UBE2E2: variants seen among roughly 807,000 people sequenced by gnomAD.
UBE2E2 encodes the protein ubiquitin-conjugating enzyme E2 E2.
In UBE2E2, 6 loss-of-function variants were observed where a neutral mutation model predicts 24.7. The ratio of observed to expected loss-of-function variants is 0.24; its 90% CI spans 0.13 to 0.48. The LOEUF (loss-of-function observed/expected upper bound fraction) is 0.48, where lower values mean the gene tolerates loss of function less well. Ranked by LOEUF, UBE2E2 falls within the 20% of genes least tolerant of loss-of-function variation. The pLI, the probability that UBE2E2 is intolerant of heterozygous loss-of-function variation, is 0.99. For missense variants in UBE2E2, 169 were observed against 245.0 expected (o/e 0.69, Z 2.07); for synonymous variants, 104 against 83.6 (o/e 1.24, Z -1.33).
intron 3 of UBE2E2, among the ~76,000 whole-genome samples, chr3:23,391,711 A>C (rs1696939455): frequency 6.6e-6 from 1 of 152,194 alleles, no homozygotes; most frequent in Admixed American, 6.5e-5. Flanking sequence ...TTGAAGAGCC[A>C]GTAGCAGTGA....
intron 3 of UBE2E2, among the ~76,000 whole-genome samples, chr3:23,272,603 T>C (rs1199464476): frequency 6.6e-6 from 1 of 152,154 alleles, no homozygotes; most frequent in Non-Finnish European, 1.5e-5. Context: ...AGTTTTGCAA[T>C]GGGAGTATGG....
chr3:23,241,381 A>T (rs762986829), intron 3 of UBE2E2, among the ~76,000 whole-genome samples: 1 of 152,186 alleles, frequency 6.6e-6, no homozygotes, highest in Non-Finnish European at 1.5e-5. Flanking sequence ...AGCCAGAATG[A>T]TCTTTTAAAC....
intron 3 of UBE2E2, among the ~76,000 whole-genome samples, chr3:23,284,656 G>T (rs1421617464): frequency 6.6e-6 from 1 of 152,000 alleles, no homozygotes; most frequent in Non-Finnish European, 1.5e-5. Flanking sequence ...GTCTTTTAAA[G>T]AAGATTCTCA....
At chr3:23,501,616 C>T (rs1215192485) in intron 4 of UBE2E2, among the ~76,000 whole-genome samples, 1 of 152,174 alleles carries the variant, frequency 6.6e-6, no homozygotes, top group Non-Finnish European at 1.5e-5. Flanking sequence ...TATCTGTCCT[C>T]ACATGTTTTA....
At chr3:23,311,616 G>A (rs1694394759) in intron 3 of UBE2E2, among the ~76,000 whole-genome samples, 1 of 151,676 alleles carries the variant, frequency 6.6e-6, no homozygotes, top group South Asian at 2.1e-4. Context: ...CTTAATCTGG[G>A]AAAAAAAATG....
At chr3:23,457,306 T>G (rs1200767274) in intron 3 of UBE2E2, among the ~76,000 whole-genome samples, 2 of 152,228 alleles carry the variant, frequency 1.3e-5, no homozygotes, top group Non-Finnish European at 2.9e-5. Flanking sequence ...GGGCTAAGCT[T>G]CTTCCTGGAA....
intron 3 of UBE2E2, among the ~76,000 whole-genome samples, chr3:23,342,682 C>T (rs2125311311): frequency 6.6e-6 from 1 of 151,930 alleles, no homozygotes; most frequent in East Asian, 1.9e-4. Context: ...GTTCCTGACA[C>T]CAAGAATACA....
chr3:23,489,445 G>A (rs1472433429), intron 3 of UBE2E2, among the ~76,000 whole-genome samples: 1 of 152,044 alleles, frequency 6.6e-6, no homozygotes, highest in Non-Finnish European at 1.5e-5. Flanking sequence ...ATTCCTGTGA[G>A]AATCTATTGC....
chr3:23,204,395 A>C (rs1021909652), intron 1 of UBE2E2, among the ~76,000 whole-genome samples: 2 of 152,310 alleles, frequency 1.3e-5, no homozygotes, highest in Admixed American at 6.5e-5. Flanking sequence ...TATTCTTGAG[A>C]GTCTACTAAA....
intron 5 of UBE2E2, among the ~76,000 whole-genome samples, chr3:23,563,409 G>A (rs1559423054): frequency 6.6e-6 from 1 of 152,142 alleles, no homozygotes; most frequent in Non-Finnish European, 1.5e-5. Context: ...CTGAGTTCTA[G>A]TTTGATTGCA....
intron 3 of UBE2E2, among the ~76,000 whole-genome samples, chr3:23,483,273 CTTTAGT>C (rs1450928228): frequency 2.6e-5 from 4 of 152,138 alleles, no homozygotes; most frequent in Non-Finnish European, 5.9e-5. Context: ...TTTCTTTGAC[CTTTAGT>C]TTTAGATAAC....
At chr3:23,206,367 T>C (rs1375136093) in intron 1 of UBE2E2, among the ~76,000 whole-genome samples, 2 of 152,232 alleles carry the variant, frequency 1.3e-5, no homozygotes, top group Non-Finnish European at 2.9e-5. Flanking sequence ...GCAAGAAATA[T>C]GTTACGACTT....
chr3:23,359,084 A>C (rs1015656723), intron 3 of UBE2E2, among the ~76,000 whole-genome samples: 26 of 152,190 alleles, frequency 1.7e-4, no homozygotes, highest in African/African-American at 6.0e-4. Context: ...GTTTTTGACT[A>C]TTCAACTATT....
At chr3:23,541,577 A>G (rs1437823456) in intron 5 of UBE2E2, among the ~76,000 whole-genome samples, 1 of 152,242 alleles carries the variant, frequency 6.6e-6, no homozygotes, top group Non-Finnish European at 1.5e-5. Context: ...AAAATTACAA[A>G]TCAGAATATT....
At chr3:23,383,424 G>A (rs1458420482) in intron 3 of UBE2E2, among the ~76,000 whole-genome samples, 1 of 151,948 alleles carries the variant, frequency 6.6e-6, no homozygotes, top group South Asian at 2.1e-4. Context: ...CAACTATATA[G>A]AATGAAATAG....
chr3:23,576,174 A>G (rs1421150452), intron 5 of UBE2E2, among the ~76,000 whole-genome samples: 1 of 152,204 alleles, frequency 6.6e-6, no homozygotes, highest in African/African-American at 2.4e-5. Context: ...TTAATTTTAT[A>G]AAAGATTTAA....
At chr3:23,495,961 T>A (rs1042696896) in intron 3 of UBE2E2, among the ~76,000 whole-genome samples, 7 of 152,116 alleles carry the variant, frequency 4.6e-5, no homozygotes, top group Non-Finnish European at 7.4e-5. Context: ...AAAATGTAAC[T>A]CTCCTTCATT....
chr3:23,437,886 C>G (rs1202886705), intron 3 of UBE2E2, among the ~76,000 whole-genome samples: 3 of 152,216 alleles, frequency 2.0e-5, no homozygotes, highest in Non-Finnish European at 4.4e-5. Context: ...GAGAAAAACA[C>G]AGAGATTCCA....
intron 3 of UBE2E2, among the ~76,000 whole-genome samples, chr3:23,246,436 T>A (rs1356938450): frequency 7.1e-6 from 1 of 141,744 alleles, no homozygotes; most frequent in Non-Finnish European, 1.5e-5. Flanking sequence ...GGGGTTTCAG[T>A]ATGTTGGCCA....
Sources: gnomAD v4.1 joint callset for allele counts (sites outside exome capture counted in the v4.1 genomes callset) on GRCh38, gnomAD v4.1.1 for gene constraint, MANE v1.5 for transcripts, NCBI Gene and HGNC (gene_info 2026-07-23, HGNC 2026-07-21) for gene names.